The following FAT4 variants were observed in gnomAD, a reference collection of about 807,000 sequenced individuals.
FAT4 encodes the protein FAT atypical cadherin 4.
A neutral mutation model predicts 303.9 loss-of-function variants in FAT4; 84 were observed. The ratio of observed to expected loss-of-function variants is 0.28; its 90% CI spans 0.23 to 0.33. The LOEUF (loss-of-function observed/expected upper bound fraction) is 0.33, where lower values mean the gene tolerates loss of function less well. Among genes scored for constraint, FAT4 ranks in the 10% least tolerant of loss-of-function variants. The pLI is 1.00. For missense variants in FAT4, 6,005 were observed against 6,146.8 expected (o/e 0.98, Z 0.77); for synonymous variants, 2,307 against 2,298.8 (o/e 1.00, Z -0.10).
intron 2 of FAT4, among the ~76,000 whole-genome samples, chr4:125,365,339 C>T (rs561840225): frequency 7.9e-5 from 12 of 152,256 alleles, no homozygotes; most frequent in African/African-American, 2.6e-4. Context: ...AAAGTAGCCA[C>T]GAGCTTGGAT....
chr4:125,451,774 C>T lies in FAT4; in HGVS notation c.10764C>T (p.Thr3588=), dbSNP rs765900623. ...QIADFYLSVV[T]KDSGVPQMSS... ...CAGACTTCTATCTGTCTGTGGTTAC[C>T]AAGGATTCTGGTGTTCCTCAAATGT... The change falls in exon 10 of 18, where the codon ACC becomes ACT. Residue 3588 remains threonine, a synonymous_variant. Transcript: ENST00000394329. 2 of 1,613,992 alleles carry T rather than the reference C, an allele frequency of 1.2e-6. No homozygotes were observed. Among genetic ancestry groups the T allele is most frequent in the African/African-American group, 1.3e-5 (1 of 74,916 alleles).
chr4:125,452,509 G>A lies in FAT4; in HGVS notation c.11499G>A (p.Glu3833=). ...TGAGCTCCGTATTAAAAAGCCGTGA[G>A]AGTCTTCCAGTCATCATCGTGGCAA... ...LAVSSVLKSR[E]SLPVIIVANE... The change falls in exon 10 of 18, where the codon GAG becomes GAA. Residue 3833 remains glutamate (E), a synonymous_variant. Transcript: ENST00000394329. The A allele has an allele frequency of 6.2e-7, 1 of 1,614,064 alleles. No individual in the cohort carries two copies. The highest frequency in any genetic ancestry group is 2.2e-5 in the East Asian group (1 of 44,866).
At chr4:125,370,748 C>A (rs1733074059) in intron 2 of FAT4, among the ~76,000 whole-genome samples, 1 of 151,996 alleles carries the variant, frequency 6.6e-6, no homozygotes, top group African/African-American at 2.4e-5. Context: ...CAAAATTTTT[C>A]AAATTTTCAA....
chr4:125,459,392 A>T (rs1726404279), intron 10 of FAT4, among the ~76,000 whole-genome samples: 2 of 152,042 alleles, frequency 1.3e-5, no homozygotes, highest in South Asian at 4.1e-4. Context: ...TTCTGCCCCC[A>T]AACATGAAAA....
chr4:125,419,230 G>A (rs1236733327), intron 7 of FAT4, among the ~76,000 whole-genome samples: 2 of 152,264 alleles, frequency 1.3e-5, no homozygotes, highest in Admixed American at 1.3e-4. Flanking sequence ...GACATTTCAA[G>A]CTTAGTAAGG....
At chr4:125,483,131 A>G (rs1226117830) in intron 16 of FAT4, among the ~76,000 whole-genome samples, 2 of 152,224 alleles carry the variant, frequency 1.3e-5, no homozygotes, top group Admixed American at 1.3e-4. Context: ...TTACAAGAGA[A>G]CATCTTCAGG....
intron 3 of FAT4, among the ~76,000 whole-genome samples, chr4:125,402,311 G>A (rs12501179): frequency 0.15 from 22,877 of 151,396 alleles, 1,870 homozygotes; most frequent in South Asian, 0.27. Flanking sequence ...TATTTTCATG[G>A]GTCTGAATTG....
At chr4:125,457,576 A>G (rs1726327542) in intron 10 of FAT4, among the ~76,000 whole-genome samples, 1 of 152,072 alleles carries the variant, frequency 6.6e-6, no homozygotes, top group Non-Finnish European at 1.5e-5. Flanking sequence ...TAACATATTC[A>G]GTTATAATCA....
intron 2 of FAT4, among the ~76,000 whole-genome samples, chr4:125,350,136 T>A (rs1732168149): frequency 6.6e-6 from 1 of 151,208 alleles, no homozygotes; most frequent in Non-Finnish European, 1.5e-5. Context: ...CTTGCAGGAA[T>A]ACAAAGTAAT....
At chr4:125,350,066 T>G (rs1732164172) in intron 2 of FAT4, among the ~76,000 whole-genome samples, 1 of 151,742 alleles carries the variant, frequency 6.6e-6, no homozygotes, top group African/African-American at 2.4e-5. Context: ...TTCATAAAAA[T>G]GTACCTTTCA....
At chr4:125,460,554 T>C (rs1338780648) in intron 10 of FAT4, among the ~76,000 whole-genome samples, 21 of 152,084 alleles carry the variant, frequency 1.4e-4, no homozygotes, top group Admixed American at 1.4e-3. Flanking sequence ...TCTGTTCCTA[T>C]GTTAGTTTGC....
At position 125,401,886 on chromosome 4, in the gene FAT4, T is replaced by C. The variant is rs1243770299; in HGVS notation, c.5307+2971T>C. On this transcript the variant is annotated intron_variant, in intron 3 of 17. Transcript: ENST00000394329. ...AGAATTCCTTCTATGTGCTTTTGTC[T>C]CTGTGGTTCATCCGGAGAGCAGAAT... Among the ~76,000 whole-genome samples the C allele has an allele frequency of 1.1e-4, 17 of 151,984 alleles. 1 individual carries two copies. Among genetic ancestry groups the C allele is most frequent in the Admixed American group, 1.1e-3 (17 of 15,220 alleles).
At position 125,387,393 on chromosome 4, in the gene FAT4, C is replaced by T. The variant is rs569674161; in HGVS notation, c.5176-11391C>T. Among the ~76,000 whole-genome samples, 47 of 152,220 alleles carry T rather than the reference C, an allele frequency of 3.1e-4. No homozygotes were observed. In the East Asian group the frequency reaches 7.5e-3, roughly 24 times the overall value. ...GGTTCTAGAAAACCACTAAAGATGG[C>T]GACCATGTTATCATGGGGGCTGCAT... is the stretch of plus-strand genomic sequence containing the variant. On this transcript the variant is annotated intron_variant, in intron 2 of 17. Coordinates refer to ENST00000394329, the MANE Select transcript of FAT4 (RefSeq NM_001291303.3).
chr4:125,441,559 A>G (rs1725661433), intron 8 of FAT4, among the ~76,000 whole-genome samples: 1 of 152,198 alleles, frequency 6.6e-6, no homozygotes, highest in Admixed American at 6.5e-5. Flanking sequence ...TATATTTCAT[A>G]ATTATTTCTT....
chr4:125,316,460 CA>C lies in FAT4; in HGVS notation c.50del (p.His17ProfsTer45). 6.2e-7 allele frequency: 1 copy of C among 1,613,746 alleles called. No individual in the cohort carries two copies. The highest frequency in any genetic ancestry group is 2.2e-5 in the East Asian group (1 of 44,862). ...TACTGGCCGCCCGTGGCTCCCGTTG[CA>C]CACTCTATCAGTATCTCAGCTCCTT... ...RATGRPWLPL[H>X]TLSVSQLLRV... is the part of the protein sequence containing the mutation. On this transcript the variant is annotated frameshift_variant, in exon 2 of 18. Transcript: ENST00000394329. LOFTEE classifies it high-confidence loss of function. The surrounding 1 kb of genome is among the most constrained non-coding windows in gnomAD (Gnocchi z 5.7).
At chr4:125,383,837 C>T (rs1051139473) in intron 2 of FAT4, among the ~76,000 whole-genome samples, 6 of 151,992 alleles carry the variant, frequency 3.9e-5, no homozygotes, top group African/African-American at 1.4e-4. Context: ...AATAAAAAAG[C>T]CTATTAAGAT....
At chr4:125,380,042 T>C (rs1188221581) in intron 2 of FAT4, among the ~76,000 whole-genome samples, 1 of 152,000 alleles carries the variant, frequency 6.6e-6, no homozygotes, top group Non-Finnish European at 1.5e-5. Context: ...TACAGGCATA[T>C]GCCACCACAT....
At chr4:125,371,686 G>A (rs983175174) in intron 2 of FAT4, among the ~76,000 whole-genome samples, 1 of 151,190 alleles carries the variant, frequency 6.6e-6, no homozygotes, top group Non-Finnish European at 1.5e-5. Flanking sequence ...ATTGTGGGGA[G>A]AGATTGAATA....
rs1434218227 is a variant in FAT4, at chr4:125,317,075, G to GA, written c.664_665insA (p.Val222AspfsTer6). The GA allele has an allele frequency of 6.2e-7, 1 of 1,614,044 alleles. No individual in the cohort carries two copies. Among genetic ancestry groups the GA allele is most frequent in the South Asian group, 1.1e-5 (1 of 91,090 alleles). On this transcript the variant is annotated frameshift_variant, in exon 2 of 18. Coordinates refer to ENST00000394329, the MANE Select transcript of FAT4 (RefSeq NM_001291303.3). LOFTEE classifies it high-confidence loss of function. This position sits in a 1 kb window ranked among gnomAD's most constrained non-coding sequence, Gnocchi z 7.0. The stretch of plus-strand genomic sequence containing the variant: ...TCCGCAGTACCAGCTCCTGGTTGAG[G>GA]TGGAGGACAAGGGTGAGCCTAAGCG...
Sources: gnomAD v4.1 joint callset for allele counts (sites outside exome capture counted in the v4.1 genomes callset) on GRCh38, gnomAD v4.1.1 for gene constraint, Gnocchi (gnomAD v3.1) non-coding constraint, MANE v1.5 for transcripts, NCBI Gene and HGNC (gene_info 2026-07-23, HGNC 2026-07-21) for gene names.